The following AXIN1 variants were observed in gnomAD, a reference collection of about 807,000 sequenced individuals.
The protein encoded by AXIN1 is axin-1.
A neutral mutation model predicts 76.4 loss-of-function variants in AXIN1; 30 were observed. The ratio of observed to expected loss-of-function variants is 0.39; its 90% CI spans 0.29 to 0.53. The LOEUF is 0.53. Among genes scored for constraint, AXIN1 ranks in the 20% least tolerant of loss-of-function variants. AXIN1 has a pLI of 0.66. For synonymous variants in AXIN1, 545 were observed against 501.4 expected (o/e 1.09, Z -1.16); for missense variants, 1,140 against 1,198.8 (o/e 0.95, Z 0.72).
chr16:320,843 G>A (rs1407802303), intron 2 of AXIN1, among the ~76,000 whole-genome samples: 3 of 85,220 alleles, frequency 3.5e-5, no homozygotes, highest in African/African-American at 1.1e-4. Flanking sequence ...GGGTTCAATC[G>A]ATTCTCCTGC....
At chr16:334,386 C>T (rs1185434986) in intron 2 of AXIN1, among the ~76,000 whole-genome samples, 2 of 151,026 alleles carry the variant, frequency 1.3e-5, no homozygotes, top group African/African-American at 2.4e-5. Flanking sequence ...AGTACCACAG[C>T]ATGCCAATAA....
rs748136050 is a variant in AXIN1 at position 289,532 on chromosome 16, G to A, written c.2370C>T (p.Cys790=). The A allele has an allele frequency of 3.3e-5, 54 of 1,612,878 alleles. 2 individuals are homozygous for A. The highest frequency in any genetic ancestry group is 1.6e-4 in the South Asian group (15 of 91,090). ...GGGTGCGGTAGGGGATGGGTTCCCC[G>A]CAGAAGTAGTACGCCACAACGATGC... ...CDSIVVAYYF[C]GEPIPYRTLV... Residue 790 remains cysteine, a synonymous_variant, in exon 10 of 11, where the codon TGC becomes TGT. Coordinates refer to ENST00000262320, the MANE Select transcript of AXIN1 (RefSeq NM_003502.4).
chr16:316,793 C>G (rs757079601), intron 2 of AXIN1, among the ~76,000 whole-genome samples: 1 of 152,212 alleles, frequency 6.6e-6, no homozygotes, highest in Non-Finnish European at 1.5e-5. Context: ...CTGTGCCTAA[C>G]TTGTAAGTTA....
At position 293,524 on chromosome 16, in the gene AXIN1, T is replaced by G; in HGVS notation, c.2150A>C (p.Glu717Ala). 1.1e-5 allele frequency: 17 copies of G among 1,610,586 alleles called. No individual in the cohort carries two copies. Among genetic ancestry groups the G allele is most frequent in the Non-Finnish European group, 1.4e-5 (17 of 1,179,922 alleles). The change falls in exon 8 of 11, where the codon GAA becomes GCA. Residue 717 changes from glutamate (E) to alanine (A), a missense_variant. Physicochemically the swap from Glu to Ala is moderately radical, Grantham distance 107. This residue lies in a region of AXIN1 where 429 missense variants were observed against 405.8 expected (regional missense o/e 1.06). Transcript: ENST00000262320. The surrounding 1 kb of genome is among the most constrained non-coding windows in gnomAD (Gnocchi z 4.6). ...LEEARRRLEE[E>A]EKRASRAPSK... Reference sequence around the variant, plus strand: ...GGGTGCTCGGCTGGCTCTCTTTTCTTCCTCCTCCAGACGTCGGCGCGCCTC... The same window carrying G: ...GGGTGCTCGGCTGGCTCTCTTTTCTGCCTCCTCCAGACGTCGGCGCGCCTC...
chr16:352,154 G>A (rs2054158919), intron 1 of AXIN1, among the ~76,000 whole-genome samples: 1 of 151,872 alleles, frequency 6.6e-6, no homozygotes, highest in Non-Finnish European at 1.5e-5. Flanking sequence ...GGCCCCTGCA[G>A]CTGCTCCGTG....
intron 2 of AXIN1, among the ~76,000 whole-genome samples, chr16:322,683 G>A (rs2053485736): frequency 6.6e-6 from 1 of 152,240 alleles, no homozygotes; most frequent in South Asian, 2.1e-4. Context: ...GAGCCACTGA[G>A]GATGGTGGGT....
At chr16:325,201 G>A (rs1326486377) in intron 2 of AXIN1, among the ~76,000 whole-genome samples, 2 of 152,016 alleles carry the variant, frequency 1.3e-5, no homozygotes, top group African/African-American at 4.8e-5. Flanking sequence ...ATTCAACCCG[G>A]AAGCCTGGGG....
At chr16:349,853 C>T (rs1162420348) in intron 1 of AXIN1, among the ~76,000 whole-genome samples, 1 of 152,198 alleles carries the variant, frequency 6.6e-6, no homozygotes, top group African/African-American at 2.4e-5. Context: ...GGCTGGACTG[C>T]AGTGGGGCGA....
At chr16:336,833 AAC>A (rs2053815091) in intron 2 of AXIN1, among the ~76,000 whole-genome samples, 4 of 149,840 alleles carry the variant, frequency 2.7e-5, no homozygotes, top group Non-Finnish European at 4.4e-5. Context: ...AAAAAAAAAA[AAC>A]AAAACATAAA....
intron 8 of AXIN1, chr16:292,923 A>G (rs922733449): frequency 1.6e-5 from 2 of 123,302 alleles, no homozygotes; most frequent in Non-Finnish European, 3.3e-5. Context: ...GGATGAGAGA[A>G]GGGCACAGTG....
intron 4 of AXIN1, among the ~76,000 whole-genome samples, chr16:309,753 G>C (rs1233991974): frequency 6.6e-6 from 1 of 152,232 alleles, no homozygotes; most frequent in African/African-American, 2.4e-5. Flanking sequence ...TCTTCTGAAT[G>C]AACAGCTCCC....
At chr16:319,481 G>A (rs895537005) in intron 2 of AXIN1, among the ~76,000 whole-genome samples, 5 of 152,190 alleles carry the variant, frequency 3.3e-5, no homozygotes, top group African/African-American at 1.2e-4. Context: ...CACCTGTGGG[G>A]TTTGACAGCT....
intron 4 of AXIN1, among the ~76,000 whole-genome samples, chr16:308,418 T>C (rs2053084880): frequency 6.6e-6 from 1 of 152,190 alleles, no homozygotes; most frequent in Non-Finnish European, 1.5e-5. Context: ...GTCTGTGGCA[T>C]GCACTTTCTA....
rs919126217 is a variant in AXIN1 at position 289,084 on chromosome 16, T to TC, written c.2462+355_2462+356insG. 4.0e-5 allele frequency among the ~76,000 whole-genome samples: 6 copies of TC among 148,676 alleles called. 1 individual carries two copies. Among genetic ancestry groups the TC allele is most frequent in the African/African-American group, 1.2e-4 (5 of 40,980 alleles). On this transcript the variant is annotated intron_variant, in intron 10 of 10. Coordinates refer to ENST00000262320, the MANE Select transcript of AXIN1 (RefSeq NM_003502.4). ...AATGGCCGGAAGCCCTTTTTCTTCT[T>TC]TTTTTTTTTTTGGGCGGGGGTAGAG... is the stretch of plus-strand genomic sequence containing the variant.
intron 3 of AXIN1, among the ~76,000 whole-genome samples, chr16:312,733 G>T (rs1025602109): frequency 2.0e-5 from 3 of 152,244 alleles, no homozygotes; most frequent in African/African-American, 7.2e-5. Context: ...AAGGGGCAGG[G>T]AGCTGCCCCT....
rs752280441 is a variant in AXIN1 at position 346,540 on chromosome 16, T to G, written c.486A>C (p.Pro162=). 1 of 1,614,192 alleles carries G rather than the reference T, an allele frequency of 6.2e-7. No individual in the cohort carries two copies. The highest frequency in any genetic ancestry group is 1.7e-5 in the Admixed American group (1 of 60,030). The change falls in exon 2 of 11, where the codon CCA becomes CCC. Residue 162 remains proline (P), a synonymous_variant. Transcript: ENST00000262320. ...AGCCCTTTATGAAGCTCTTGGTGGC[T>G]GGCTTGGTCTGCCGGGACACGATGC... ...NNGIVSRQTK[P]ATKSFIKGCI... is the part of the protein sequence containing the mutation.
At chr16:310,153 G>T in intron 3 of AXIN1, 84 bp from the exon 4 acceptor site, 1 of 1,310,302 alleles carries the variant, frequency 7.6e-7, no homozygotes. Context: ...GGCCCCGACC[G>T]CCGGTCAGCA....
At chr16:289,193 A>G (rs375261657) in intron 10 of AXIN1, among the ~76,000 whole-genome samples, 88 of 152,008 alleles carry the variant, frequency 5.8e-4, no homozygotes, top group African/African-American at 2.1e-3. Flanking sequence ...AGTTCAAGCA[A>G]TTCTGCCTCA....
intron 9 of AXIN1, 137 bp downstream of exon 9, chr16:291,053 G>A (rs2052543486): frequency 1.2e-6 from 1 of 801,858 alleles, no homozygotes; most frequent in African/African-American, 1.7e-5. Flanking sequence ...GATGCCACGG[G>A]ACCCTCTCCT....
Sources: gnomAD v4.1 joint callset for allele counts (sites outside exome capture counted in the v4.1 genomes callset) on GRCh38, gnomAD v4.1.1 for gene constraint, gnomAD v4.1.1 regional missense constraint, Gnocchi (gnomAD v3.1) non-coding constraint, MANE v1.5 for transcripts, NCBI Gene and HGNC (gene_info 2026-07-23, HGNC 2026-07-21) for gene names.